The following CAAP1 variants were observed in gnomAD, a reference collection of about 807,000 sequenced individuals.
The protein encoded by CAAP1 is conserved anti-apoptotic protein.
Under a neutral mutation model 34.0 loss-of-function variants are expected in CAAP1, and 20 were observed. That is an observed-to-expected ratio of 0.59 (90% confidence interval 0.41 to 0.86). The LOEUF (loss-of-function observed/expected upper bound fraction) is 0.86. CAAP1 is among the 40% of genes least tolerant of loss of function. The pLI, the probability that CAAP1 is intolerant of heterozygous loss-of-function variation, is 0.00. For synonymous variants in CAAP1, 213 were observed against 166.7 expected (o/e 1.28, Z -2.14); for missense variants, 538 against 450.5 (o/e 1.19, Z -1.76).
intron 4 of CAAP1, among the ~76,000 whole-genome samples, chr9:26,862,158 C>T (rs1823017122): frequency 6.6e-6 from 1 of 152,058 alleles, no homozygotes; most frequent in Non-Finnish European, 1.5e-5. Context: ...ATTCGTTCAC[C>T]AGAATGACTG....
intron 1 of CAAP1, among the ~76,000 whole-genome samples, chr9:26,888,675 G>A (rs1823815837): frequency 6.6e-6 from 1 of 152,204 alleles, no homozygotes; most frequent in Non-Finnish European, 1.5e-5. Flanking sequence ...ATAAAATTGT[G>A]CAGCTACTTT....
intron 5 of CAAP1, among the ~76,000 whole-genome samples, chr9:26,859,387 C>G (rs921158526): frequency 6.6e-6 from 1 of 152,216 alleles, no homozygotes; most frequent in East Asian, 1.9e-4. Context: ...AAAACATCTT[C>G]TCTTACAAGG....
chr9:26,880,419 G>A (rs535368959), intron 4 of CAAP1: 1 of 253,328 alleles, frequency 3.9e-6, no homozygotes, highest in South Asian at 4.5e-5. Context: ...CACAGTACCA[G>A]GCCTGTAACA....
rs140651740 is a variant in CAAP1, at chr9:26,888,328, C to T, written c.304-815G>A. Among the ~76,000 whole-genome samples, 1,005 of 152,306 alleles carry T rather than the reference C, an allele frequency of 6.6e-3. 2 individuals carry two copies. Among genetic ancestry groups the T allele is most frequent in the Non-Finnish European group, 0.011 (778 of 68,016 alleles). On this transcript the variant is annotated intron_variant, in intron 1 of 5. Coordinates refer to ENST00000333916, the MANE Select transcript of CAAP1 (RefSeq NM_024828.4). ...AGGACACAATCTTCTTTGAATTACT[C>T]GACTGTAACCTATTCTCCTTCCTTC...
chr9:26,872,382 C>A (rs1186968918), intron 4 of CAAP1, among the ~76,000 whole-genome samples: 1 of 151,946 alleles, frequency 6.6e-6, no homozygotes, highest in Non-Finnish European at 1.5e-5. Flanking sequence ...AACTAGTAAC[C>A]AGTACACTTT....
Position 26,881,930 on chromosome 9 carries a change from C to G in CAAP1, c.665+2880G>C, listed in dbSNP as rs190548505. On this transcript the variant is annotated intron_variant, in intron 4 of 5. Transcript: ENST00000333916. Reference sequence around the variant, plus strand: ...ACGGAGATGAGAAACTTGTTGGGAACTGGAGTAAAGGTGACTCTTGCTATA... The same window carrying G: ...ACGGAGATGAGAAACTTGTTGGGAAGTGGAGTAAAGGTGACTCTTGCTATA... Among the ~76,000 whole-genome samples, 3 of 152,236 alleles carry G rather than the reference C, an allele frequency of 2.0e-5. No homozygotes were observed. In the East Asian group the frequency reaches 5.8e-4, roughly 29 times the overall value.
chr9:26,881,054 T>C (rs1823582848), intron 4 of CAAP1, among the ~76,000 whole-genome samples: 2 of 152,160 alleles, frequency 1.3e-5, no homozygotes, highest in African/African-American at 4.8e-5. Flanking sequence ...CAAAATTGAG[T>C]CACCCATGCT....
chr9:26,888,911 A>AT (rs1234572692), intron 1 of CAAP1, among the ~76,000 whole-genome samples: 2 of 152,254 alleles, frequency 1.3e-5, no homozygotes, highest in African/African-American at 4.8e-5. Flanking sequence ...TGTGGTACAT[A>AT]TGTACAGCTA....
intron 2 of CAAP1, 57 bp downstream of exon 2, chr9:26,887,256 G>A: frequency 8.9e-7 from 1 of 1,124,658 alleles, no homozygotes; most frequent in East Asian, 2.7e-5. Flanking sequence ...ACAAAAAATT[G>A]CTACAAAGAA....
chr9:26,883,874 C>T (rs771243328), intron 4 of CAAP1, among the ~76,000 whole-genome samples: 13 of 152,074 alleles, frequency 8.5e-5, no homozygotes, highest in South Asian at 2.1e-4. Flanking sequence ...GTTGCAGGAA[C>T]GCCAATAGTA....
intron 5 of CAAP1, among the ~76,000 whole-genome samples, chr9:26,847,450 G>T (rs965726656): frequency 6.6e-6 from 1 of 151,648 alleles, no homozygotes; most frequent in Non-Finnish European, 1.5e-5. Flanking sequence ...TCCTGACCTC[G>T]TGATCCGCCC....
intron 1 of CAAP1, among the ~76,000 whole-genome samples, chr9:26,888,672 T>A (rs1823815756): frequency 6.6e-6 from 1 of 152,214 alleles, no homozygotes; most frequent in South Asian, 2.1e-4. Flanking sequence ...AATATAAAAT[T>A]GTGCAGCTAC....
intron 4 of CAAP1, among the ~76,000 whole-genome samples, chr9:26,863,152 G>C (rs921872251): frequency 1.3e-5 from 2 of 152,050 alleles, no homozygotes; most frequent in Non-Finnish European, 2.9e-5. Flanking sequence ...CCTCTATAAG[G>C]ACTATCTTCT....
rs1241729325 is a variant in CAAP1 at position 26,892,669 on chromosome 9, C to G, written c.47G>C (p.Ser16Thr). The change falls in exon 1 of 6, where the codon AGT (serine) becomes ACT (threonine). Residue 16 changes from serine (S) to threonine (T), a missense_variant. This residue lies in a region of CAAP1 where 514 missense variants were observed against 408.4 expected (regional missense o/e 1.26). Transcript: ENST00000333916. ...SSREKRRKRS[S>T]QEAAAALAAP... ...CGCGAGCGCTGCGGCCGCCTCCTGA[C>G]TGCTACGTTTGCGCCGTTTCTCCCG... is the stretch of plus-strand genomic sequence containing the variant. The G allele has an allele frequency of 1.2e-6, 2 of 1,606,524 alleles. No homozygotes were observed. Among genetic ancestry groups the G allele is most frequent in the South Asian group, 2.2e-5 (2 of 90,926 alleles).
At chr9:26,848,443 G>A (rs562347390) in intron 5 of CAAP1, among the ~76,000 whole-genome samples, 13 of 152,298 alleles carry the variant, frequency 8.5e-5, no homozygotes, top group Non-Finnish European at 1.6e-4. Context: ...GTGAACCCGG[G>A]AGGCGGAGCT....
intron 4 of CAAP1, among the ~76,000 whole-genome samples, chr9:26,882,971 G>C (rs1162375139): frequency 1.3e-5 from 2 of 152,162 alleles, no homozygotes; most frequent in Non-Finnish European, 2.9e-5. Context: ...TTTGGAAGGG[G>C]TGTATTTATC....
At chr9:26,859,580 T>G (rs1822957207) in intron 5 of CAAP1, among the ~76,000 whole-genome samples, 1 of 152,186 alleles carries the variant, frequency 6.6e-6, no homozygotes, top group Non-Finnish European at 1.5e-5. Flanking sequence ...ACAGTAGCAG[T>G]GTAGTCTAAT....
chr9:26,865,263 G>A (rs2131315321), intron 4 of CAAP1, among the ~76,000 whole-genome samples: 1 of 152,326 alleles, frequency 6.6e-6, no homozygotes, highest in Non-Finnish European at 1.5e-5. Flanking sequence ...AGTGGCTCAT[G>A]CCTGTAATCC....
At chr9:26,866,615 A>G (rs1157577064) in intron 4 of CAAP1, among the ~76,000 whole-genome samples, 4 of 152,236 alleles carry the variant, frequency 2.6e-5, no homozygotes, top group Non-Finnish European at 5.9e-5. Context: ...ATACACAAGA[A>G]AAGGTTAACA....
Sources: gnomAD v4.1 joint callset for allele counts (sites outside exome capture counted in the v4.1 genomes callset) on GRCh38, gnomAD v4.1.1 for gene constraint, gnomAD v4.1.1 regional missense constraint, MANE v1.5 for transcripts, NCBI Gene and HGNC (gene_info 2026-07-23, HGNC 2026-07-21) for gene names.